The following NAALADL2 variants were observed in gnomAD, a reference collection of about 807,000 sequenced individuals.
NAALADL2 encodes the protein N-acetylated alpha-linked acidic dipeptidase like 2, also known as inactive N-acetylated-alpha-linked acidic dipeptidase-like protein 2.
NAALADL2 carries 76 observed loss-of-function variants against 87.2 expected under a neutral mutation model. That is an observed-to-expected ratio of 0.87 (90% CI 0.72 to 1.05). The LOEUF is 1.05. NAALADL2 is among the 50% of genes least tolerant of loss of function. The probability of loss-of-function intolerance (pLI) is 0.00; values close to 1 mark genes in which losing one functional copy is unlikely to be tolerated. For missense variants in NAALADL2, 1,089 were observed against 945.8 expected (o/e 1.15, Z -1.99); for synonymous variants, 354 against 331.0 (o/e 1.07, Z -0.75).
intron 11 of NAALADL2, among the ~76,000 whole-genome samples, chr3:175,682,111 A>T (rs560570886): frequency 6.6e-6 from 1 of 152,086 alleles, no homozygotes; most frequent in Non-Finnish European, 1.5e-5. Context: ...TCTAAAGAGG[A>T]GACACTACAA....
intron 2 of NAALADL2, among the ~76,000 whole-genome samples, chr3:175,154,171 A>G (rs955155858): frequency 6.6e-6 from 1 of 152,076 alleles, no homozygotes; most frequent in African/African-American, 2.4e-5. Flanking sequence ...CCTATTTTTC[A>G]TATCTGAGGC....
At chr3:174,873,905 A>G (rs1053392023) in intron 1 of NAALADL2, among the ~76,000 whole-genome samples, 1 of 151,956 alleles carries the variant, frequency 6.6e-6, no homozygotes, top group Non-Finnish European at 1.5e-5. Flanking sequence ...GAATTCTGCC[A>G]TCAAATAAAT....
chr3:175,432,029 G>GAA (rs200029916), intron 5 of NAALADL2, among the ~76,000 whole-genome samples: 1 of 149,668 alleles, frequency 6.7e-6, no homozygotes, highest in African/African-American at 2.4e-5. Context: ...TTCTTGTTGA[G>GAA]AAAAAAAAAT....
intron 1 of NAALADL2, among the ~76,000 whole-genome samples, chr3:174,982,185 G>C (rs1408267922): frequency 6.6e-6 from 1 of 152,132 alleles, no homozygotes; most frequent in Admixed American, 6.5e-5. Flanking sequence ...GCAGTTTTTA[G>C]ATAGTCTGGT....
At position 174,773,956 on chromosome 3, in the gene NAALADL2, A is replaced by G. The variant is rs563758516; in HGVS notation, c.-9+36210A>G. Among the ~76,000 whole-genome samples the G allele has an allele frequency of 2.6e-5, 4 of 151,886 alleles. No individual in the cohort carries two copies. The East Asian group carries it at 7.8e-4, about 29-fold the overall frequency. Reference sequence around the variant, plus strand: ...TGAAATTCTTTCTTTTTCAGTTTCTATTTCCCCTCTATCACTGAATTTTCA... The same window carrying G: ...TGAAATTCTTTCTTTTTCAGTTTCTGTTTCCCCTCTATCACTGAATTTTCA... On this transcript the variant is annotated intron_variant, in intron 3 of 3. Transcript: ENST00000434257.
chr3:175,617,390 T>C (rs555625280), intron 10 of NAALADL2, among the ~76,000 whole-genome samples: 2 of 152,302 alleles, frequency 1.3e-5, no homozygotes, highest in African/African-American at 4.8e-5. Context: ...CTGGACCCTG[T>C]GACTTGTATC....
intron 11 of NAALADL2, among the ~76,000 whole-genome samples, chr3:175,692,102 T>C (rs1737127024): frequency 6.6e-6 from 1 of 152,244 alleles, no homozygotes; most frequent in East Asian, 1.9e-4. Flanking sequence ...ATTTCCAGAA[T>C]TCTTCTGAAA....
chr3:174,947,683 A>G (rs1402497584), intron 1 of NAALADL2, among the ~76,000 whole-genome samples: 2 of 152,014 alleles, frequency 1.3e-5, no homozygotes, highest in African/African-American at 2.4e-5. Flanking sequence ...GTCTTCTAGT[A>G]TACAGGTTTT....
intron 2 of NAALADL2, among the ~76,000 whole-genome samples, chr3:174,697,227 A>G (rs974281360): frequency 5.3e-5 from 8 of 152,176 alleles, no homozygotes; most frequent in Admixed American, 1.3e-4. Flanking sequence ...TTCTGGGAAG[A>G]TAATAGGACA....
intron 1 of NAALADL2, among the ~76,000 whole-genome samples, chr3:174,862,046 C>G (rs1397389000): frequency 6.6e-6 from 1 of 151,904 alleles, no homozygotes; most frequent in Non-Finnish European, 1.5e-5. Flanking sequence ...TTGTGTAAAG[C>G]TATCATACAT....
chr3:175,346,427 G>A (rs903933992), intron 5 of NAALADL2, among the ~76,000 whole-genome samples: 2 of 152,004 alleles, frequency 1.3e-5, no homozygotes, highest in African/African-American at 2.4e-5. Flanking sequence ...TCCTCAATGA[G>A]CGCACCAAAA....
intron 9 of NAALADL2, among the ~76,000 whole-genome samples, chr3:175,568,489 G>A (rs1717567575): frequency 6.6e-6 from 1 of 152,184 alleles, no homozygotes; most frequent in Non-Finnish European, 1.5e-5. Flanking sequence ...ATGCGTTAAT[G>A]TGGTTTGTGA....
At chr3:175,112,724 T>G (rs1724406580) in intron 2 of NAALADL2, 2 of 151,790 alleles carry the variant, frequency 1.3e-5, no homozygotes, top group South Asian at 4.1e-4. Flanking sequence ...CATGTAAAAT[T>G]TAGTAAATAC....
intron 3 of NAALADL2, among the ~76,000 whole-genome samples, chr3:174,837,231 A>G (rs187090676): frequency 2.6e-5 from 4 of 152,330 alleles, no homozygotes; most frequent in African/African-American, 7.2e-5. Context: ...GATAAATACA[A>G]TTGATAGACA....
chr3:174,587,736 G>A (rs1017334484), intron 2 of NAALADL2, among the ~76,000 whole-genome samples: 102 of 152,208 alleles, frequency 6.7e-4, no homozygotes, highest in Non-Finnish European at 1.1e-3. Context: ...AGTTTCTGCC[G>A]AGAGATCCAC....
intron 5 of NAALADL2, among the ~76,000 whole-genome samples, chr3:175,395,526 G>C (rs1344076722): frequency 6.6e-6 from 1 of 152,160 alleles, no homozygotes; most frequent in African/African-American, 2.4e-5. Flanking sequence ...GATGTGCTAA[G>C]TATGCATTCC....
chr3:175,036,516 C>A (rs1753427363), intron 1 of NAALADL2, among the ~76,000 whole-genome samples: 1 of 151,948 alleles, frequency 6.6e-6, no homozygotes, highest in Admixed American at 6.6e-5. Flanking sequence ...TCTCCTGCCT[C>A]AGCCTCCCAA....
At chr3:174,872,288 G>T (rs182851509) in intron 1 of NAALADL2, among the ~76,000 whole-genome samples, 1 of 152,036 alleles carries the variant, frequency 6.6e-6, no homozygotes, top group African/African-American at 2.4e-5. Context: ...TAAGAGTCAC[G>T]TCCACCACAT....
intron 1 of NAALADL2, among the ~76,000 whole-genome samples, chr3:174,906,274 A>G (rs1732946516): frequency 6.6e-6 from 1 of 152,054 alleles, no homozygotes; most frequent in South Asian, 2.1e-4. Context: ...TTTTGCTTCG[A>G]CAGTATGGAA....
Sources: allele counts gnomAD v4.1 joint callset (sites outside exome capture counted in the v4.1 genomes callset), GRCh38; gene constraint gnomAD v4.1.1; transcripts MANE v1.5; gene names NCBI Gene and HGNC (gene_info 2026-07-23, HGNC 2026-07-21).